PTPRN2: variants seen among roughly 807,000 people sequenced by gnomAD.
PTPRN2 encodes the protein protein tyrosine phosphatase receptor type N2, also known as receptor-type tyrosine-protein phosphatase N2.
A neutral mutation model predicts 118.8 loss-of-function variants in PTPRN2; 74 were observed. That is an observed-to-expected ratio of 0.62 (90% CI 0.52 to 0.76). The LOEUF is 0.76. Among genes scored for constraint, PTPRN2 ranks in the 30% least tolerant of loss-of-function variants. The pLI is 0.00. For missense variants in PTPRN2, 1,481 were observed against 1,394.4 expected (o/e 1.06, Z -0.99); for synonymous variants, 641 against 608.0 (o/e 1.05, Z -0.80).
At position 157,800,763 on chromosome 7, in the gene PTPRN2, C is replaced by T. The variant is rs545430527; in HGVS notation, c.1788+97910G>A. Among the ~76,000 whole-genome samples the T allele has an allele frequency of 6.5e-3, 985 of 151,834 alleles. 17 individuals are homozygous for T. Among genetic ancestry groups the T allele is most frequent in the Non-Finnish European group, 6.2e-3 (419 of 67,958 alleles). ...GTCAGGAGATCGAGACCATCCTGGC[C>T]AACACGGTGAAACCCCGTCTCTACT... is the stretch of plus-strand genomic sequence containing the variant. On this transcript the variant is annotated intron_variant, in intron 12 of 22. Coordinates refer to ENST00000389418, the MANE Select transcript of PTPRN2 (RefSeq NM_002847.5).
Position 157,632,119 on chromosome 7 carries a change from T to C in PTPRN2, c.2197-10610A>G, listed in dbSNP as rs1255961204. ...TGTATTTTTATTATAATTTGGCTTT[T>C]GATGTTCCAAATCGATAACAAAGTC... On this transcript the variant is annotated intron_variant, in intron 14 of 22. Coordinates refer to ENST00000389418, the MANE Select transcript of PTPRN2 (RefSeq NM_002847.5). The surrounding 1 kb of genome is among the most constrained non-coding windows in gnomAD (Gnocchi z 4.3). Among the ~76,000 whole-genome samples, 4 of 152,230 alleles carry C rather than the reference T, an allele frequency of 2.6e-5. No individual in the cohort carries two copies. Among genetic ancestry groups the C allele is most frequent in the Non-Finnish European group, 5.9e-5 (4 of 68,040 alleles).
intron 3 of PTPRN2, among the ~76,000 whole-genome samples, chr7:158,273,908 GCGGGAGGAGCCGCAGACA>G (rs372240946): frequency 7.7e-6 from 1 of 130,648 alleles, no homozygotes; most frequent in African/African-American, 3.0e-5. Flanking sequence ...GCAGACAGAC[GCGGGAGGAGCCGCAGACA>G]CAGGGGGAGC....
intron 12 of PTPRN2, among the ~76,000 whole-genome samples, chr7:157,736,451 C>T (rs1010407134): frequency 6.6e-6 from 1 of 152,210 alleles, no homozygotes; most frequent in East Asian, 1.9e-4. Context: ...GAGTGAGAGA[C>T]ACCCCGTGCC....
intron 13 of PTPRN2, among the ~76,000 whole-genome samples, chr7:157,678,176 T>C (rs994954025): frequency 7.9e-5 from 12 of 152,236 alleles, no homozygotes; most frequent in South Asian, 4.1e-4. Context: ...CCCTTCATTT[T>C]TGAAGCAGCA....
intron 12 of PTPRN2, among the ~76,000 whole-genome samples, chr7:157,720,289 G>A (rs949630247): frequency 6.6e-6 from 1 of 152,160 alleles, no homozygotes; most frequent in African/African-American, 2.4e-5. Flanking sequence ...TCATGCCGCG[G>A]TGACACTGCA....
rs371586175 is a variant in PTPRN2, at chr7:158,282,115, C to A, written c.277+34704G>T. 5.9e-5 allele frequency among the ~76,000 whole-genome samples: 9 copies of A among 151,816 alleles called. 1 individual carries two copies. The South Asian group carries it at 1.9e-3, about 32-fold the overall frequency. On this transcript the variant is annotated intron_variant, in intron 3 of 22. Transcript: ENST00000389418. ...TGAGAAGCCCTGAACTCAAGTCAAA[C>A]TGAGCCTGTGTTAACAGGGTCCTTT...
At chr7:158,383,310 T>C (rs1811103159) in intron 2 of PTPRN2, among the ~76,000 whole-genome samples, 1 of 152,226 alleles carries the variant, frequency 6.6e-6, no homozygotes, top group African/African-American at 2.4e-5. Flanking sequence ...TTAGTGAATG[T>C]ATCTATTTGA....
chr7:158,358,093 A>G (rs1230072405), intron 2 of PTPRN2, among the ~76,000 whole-genome samples: 1 of 152,208 alleles, frequency 6.6e-6, no homozygotes, highest in African/African-American at 2.4e-5. Context: ...ACTCGAATAC[A>G]TGAACTCAGC....
chr7:157,691,816 C>A (rs1237363644), intron 12 of PTPRN2, among the ~76,000 whole-genome samples: 2 of 152,152 alleles, frequency 1.3e-5, no homozygotes. Context: ...CCGCAGCGGG[C>A]GAGAAGAGCT....
rs548553505 is a variant in PTPRN2, at chr7:158,139,905, G to A, written c.911-1390C>T. Among the ~76,000 whole-genome samples the A allele has an allele frequency of 1.2e-4, 18 of 152,180 alleles. No individual in the cohort carries two copies. In the South Asian group the frequency reaches 2.5e-3, roughly 21 times the overall value. On this transcript the variant is annotated intron_variant, in intron 6 of 22. Transcript: ENST00000389418. ...TATCCAATGACAATATCCTTCAAAC[G>A]AGAGGGTAAAGGAGAGACATTTTCA...
At chr7:157,747,249 G>A (rs1329870358) in intron 12 of PTPRN2, among the ~76,000 whole-genome samples, 8 of 133,596 alleles carry the variant, frequency 6.0e-5, no homozygotes, top group Non-Finnish European at 8.0e-5. Context: ...TGAGGCCTGC[G>A]TCTCTGAGCT....
intron 6 of PTPRN2, among the ~76,000 whole-genome samples, chr7:158,152,888 C>CG (rs1821338225): frequency 6.8e-6 from 1 of 148,140 alleles, no homozygotes; most frequent in African/African-American, 2.5e-5. Context: ...AAGAGCAGAC[C>CG]AACAGACACC....
chr7:158,093,552 T>C lies in PTPRN2; in HGVS notation c.1644-12175A>G, dbSNP rs79814897. ...AGCTTGGTGCTGGGCTAATCCAAGCTACCGACAGAAAACCAATAAAAAAAT... is the reference window on the plus strand; with the variant it reads ...AGCTTGGTGCTGGGCTAATCCAAGCCACCGACAGAAAACCAATAAAAAAAT... On this transcript the variant is annotated intron_variant, in intron 10 of 22. Transcript: ENST00000389418. The surrounding 1 kb of genome is among the most constrained non-coding windows in gnomAD (Gnocchi z 4.4). Among the ~76,000 whole-genome samples, 958 of 152,322 alleles carry C rather than the reference T, an allele frequency of 6.3e-3. 8 individuals carry two copies. The highest frequency in any genetic ancestry group is 0.022 in the African/African-American group (915 of 41,564).
intron 2 of PTPRN2, among the ~76,000 whole-genome samples, chr7:158,343,277 A>G (rs1475778850): frequency 1.4e-4 from 22 of 152,230 alleles, no homozygotes; most frequent in Non-Finnish European, 2.6e-4. Flanking sequence ...AGATGTACAA[A>G]CAGCTGAAAG....
At chr7:158,258,610 C>A (rs918299952) in intron 3 of PTPRN2, among the ~76,000 whole-genome samples, 1 of 152,308 alleles carries the variant, frequency 6.6e-6, no homozygotes, top group South Asian at 2.1e-4. Context: ...TCCCCTGCCC[C>A]CCAGTCACAG....
At chr7:158,333,611 A>G (rs1257636534) in intron 2 of PTPRN2, among the ~76,000 whole-genome samples, 2 of 151,458 alleles carry the variant, frequency 1.3e-5, no homozygotes, top group Non-Finnish European at 2.9e-5. Context: ...CACTCTCACT[A>G]TAAGAGGTGA....
At chr7:158,169,477 T>C (rs2150602272) in intron 5 of PTPRN2, among the ~76,000 whole-genome samples, 1 of 150,628 alleles carries the variant, frequency 6.6e-6, no homozygotes, top group Non-Finnish European at 1.5e-5. Context: ...AATGGGGTTT[T>C]ACTATGTTGG....
intron 1 of PTPRN2, among the ~76,000 whole-genome samples, chr7:158,496,370 C>T (rs1208195430): frequency 6.6e-5 from 4 of 60,426 alleles, no homozygotes; most frequent in Admixed American, 1.6e-4. Flanking sequence ...CCCTTCCCCA[C>T]GCCCCTTCCC....
chr7:157,968,709 G>A (rs887761608), intron 11 of PTPRN2, among the ~76,000 whole-genome samples: 14 of 152,140 alleles, frequency 9.2e-5, no homozygotes, highest in African/African-American at 3.4e-4. Context: ...CCATCATACA[G>A]CCTAGAAGGG....
Sources: gnomAD v4.1 joint callset for allele counts (sites outside exome capture counted in the v4.1 genomes callset) on GRCh38, gnomAD v4.1.1 for gene constraint, Gnocchi (gnomAD v3.1) non-coding constraint, MANE v1.5 for transcripts, NCBI Gene and HGNC (gene_info 2026-07-23, HGNC 2026-07-21) for gene names.